Variants in CAMSAP2 observed in about 807,000 individuals in gnomAD.
CAMSAP2 encodes the protein calmodulin-regulated spectrin-associated protein 2.
A neutral mutation model predicts 146.1 loss-of-function variants in CAMSAP2; 26 were observed. The observed-to-expected ratio is 0.18, with a 90% CI of 0.13 to 0.25. CAMSAP2 has a LOEUF of 0.25. CAMSAP2 is among the 10% of genes least tolerant of loss of function. The pLI is 1.00. For synonymous variants in CAMSAP2, 499 were observed against 596.6 expected (o/e 0.84, Z 2.38); for missense variants, 1,381 against 1,759.3 (o/e 0.78, Z 3.85).
chr1:200,788,526 A>T (rs187560389), intron 2 of CAMSAP2, among the ~76,000 whole-genome samples: 1 of 152,328 alleles, frequency 6.6e-6, no homozygotes, highest in Admixed American at 6.5e-5. Context: ...CTGTTGTTCC[A>T]CAGGAACTTT....
At chr1:200,851,349 C>T (rs932489577) in intron 11 of CAMSAP2, among the ~76,000 whole-genome samples, 28 of 152,064 alleles carry the variant, frequency 1.8e-4, no homozygotes, top group African/African-American at 6.0e-4. Context: ...TACAGGCATG[C>T]ACCACAAAAT....
chr1:200,817,241 T>TATGTGTGTGTATATACAC (rs1266068149), intron 4 of CAMSAP2, among the ~76,000 whole-genome samples: 2 of 10,616 alleles, frequency 1.9e-4, no homozygotes, highest in African/African-American at 9.8e-4. Flanking sequence ...TATACACACA[T>TATGTGTGTGTATATACAC]ACACACATAT....
chr1:200,858,129 T>C lies in CAMSAP2; in HGVS notation c.*70T>C, dbSNP rs938132121. 4.5e-6 allele frequency: 6 copies of C among 1,323,076 alleles called. No individual in the cohort carries two copies. Among genetic ancestry groups the C allele is most frequent in the Admixed American group, 4.9e-5 (2 of 40,700 alleles). The allele number at this position is 1,323,076 out of a possible 1,614,324, so 82.0% of individuals were successfully genotyped here. On this transcript the variant is annotated 3_prime_UTR_variant, in exon 17 of 17. Transcript: ENST00000358823. Reference sequence around the variant, plus strand: ...CTTCATCTTTCCTGCCTATAGAAAATCTTTCTAATTGCCAACAAGACTTTT... The same window carrying C: ...CTTCATCTTTCCTGCCTATAGAAAACCTTTCTAATTGCCAACAAGACTTTT...
chr1:200,814,617 AAAAAAAAAAAAAAAAAAC>A (rs1666430779), intron 3 of CAMSAP2, among the ~76,000 whole-genome samples: 1 of 131,394 alleles, frequency 7.6e-6, no homozygotes. Flanking sequence ...CCCAAAAAAA[AAAAAAAAAAAAAAAAAAC>A]AAGAAGAAGA....
At chr1:200,747,622 A>G (rs1469364541) in intron 1 of CAMSAP2, among the ~76,000 whole-genome samples, 1 of 152,098 alleles carries the variant, frequency 6.6e-6, no homozygotes, top group Admixed American at 6.5e-5. Flanking sequence ...TTTTGATTTG[A>G]TCAGGGCTGT....
At chr1:200,760,639 T>C (rs1484555613) in intron 1 of CAMSAP2, among the ~76,000 whole-genome samples, 200 bp from the exon 2 acceptor site, 2 of 152,242 alleles carry the variant, frequency 1.3e-5, no homozygotes, top group Non-Finnish European at 2.9e-5. Context: ...AGAAAGTATC[T>C]TCTGTAAAGG....
At position 200,857,534 on chromosome 1, in the gene CAMSAP2, T is replaced by C; in HGVS notation, c.4131+110T>C. ...ACTTTCAACAGCATGTAAAAAGATC[T>C]GTAGCTAGATGTTTTAATTATCAGA... On this transcript the variant is annotated intron_variant, in intron 16 of 16. Transcript: ENST00000358823. The surrounding 1 kb of genome is among the most constrained non-coding windows in gnomAD (Gnocchi z 4.7). 1.2e-6 allele frequency: 1 copy of C among 818,242 alleles called. No individual in the cohort carries two copies. The highest frequency in any genetic ancestry group is 2.0e-6 in the Non-Finnish European group (1 of 509,152). The allele number at this position is 818,242 out of a possible 1,614,324, so 50.7% of individuals were successfully genotyped here. A position where few individuals can be genotyped will look rare whatever the true frequency, so the allele number is the denominator to read the frequency against.
chr1:200,770,144 G>A (rs903993706), intron 2 of CAMSAP2, among the ~76,000 whole-genome samples: 1 of 152,168 alleles, frequency 6.6e-6, no homozygotes, highest in African/African-American at 2.4e-5. Flanking sequence ...GGATAGGACC[G>A]AAGGTACAGA....
At chr1:200,779,557 T>C (rs1665376228) in intron 2 of CAMSAP2, among the ~76,000 whole-genome samples, 2 of 152,028 alleles carry the variant, frequency 1.3e-5, no homozygotes. Context: ...GTCATGGAAA[T>C]TGTGATGCCC....
intron 6 of CAMSAP2, among the ~76,000 whole-genome samples, chr1:200,839,049 T>C (rs1334405310): frequency 6.6e-6 from 1 of 152,264 alleles, no homozygotes; most frequent in African/African-American, 2.4e-5. Context: ...CTTTGAGATA[T>C]CCAAAAGAAA....
intron 4 of CAMSAP2, among the ~76,000 whole-genome samples, chr1:200,829,625 A>C (rs1248517978): frequency 1.3e-5 from 2 of 151,684 alleles, no homozygotes; most frequent in African/African-American, 2.4e-5. Flanking sequence ...ATAAAACTCT[A>C]ATTTAGAAAT....
rs1667075481 is a variant in CAMSAP2 at position 200,832,709 on chromosome 1, T to C, written c.791T>C (p.Ile264Thr). 1.3e-6 allele frequency: 2 copies of C among 1,593,926 alleles called. No homozygotes were observed. The highest frequency in any genetic ancestry group is 1.7e-6 in the Non-Finnish European group (2 of 1,173,162). ...CTTGCTCTTTTCTTATTTGAAGATA[T>C]TTGTTTGAAAGAAACTATGTCTTTG... Reference protein sequence around the residue: ...YCPDVVRLEDICLKETMSLAD... With the variant: ...YCPDVVRLEDTCLKETMSLAD... Residue 264 changes from isoleucine to threonine, a missense_variant, in exon 6 of 17, where the codon ATT becomes ACT. By Grantham distance (89) the Ile-to-Thr change is moderately conservative. Coordinates refer to ENST00000358823, the MANE Select transcript of CAMSAP2 (RefSeq NM_203459.4). This position sits in a 1 kb window ranked among gnomAD's most constrained non-coding sequence, Gnocchi z 4.2.
intron 1 of CAMSAP2, among the ~76,000 whole-genome samples, chr1:200,758,557 A>G (rs953243234): frequency 1.3e-5 from 2 of 152,204 alleles, no homozygotes; most frequent in African/African-American, 4.8e-5. Context: ...TTAAATGAGG[A>G]TGATATTTTT....
At chr1:200,781,526 G>GT (rs1215355427) in intron 2 of CAMSAP2, among the ~76,000 whole-genome samples, 1 of 149,286 alleles carries the variant, frequency 6.7e-6, no homozygotes, top group South Asian at 2.1e-4. Flanking sequence ...GTTGTATACT[G>GT]TTTTTTTGTT....
chr1:200,782,964 CTG>C (rs1177708323), intron 2 of CAMSAP2, among the ~76,000 whole-genome samples: 1 of 151,664 alleles, frequency 6.6e-6, no homozygotes, highest in Non-Finnish European at 1.5e-5. Context: ...TAGGGTTTCA[CTG>C]TGTTGCCCAG....
chr1:200,849,181 A>C lies in CAMSAP2; in HGVS notation c.2412A>C (p.Glu804Asp). ...ATGGGATATCTCCTCTACGAGAGGAAGCGGCGGGTGCAGAAGATGAGAAAG... is the reference window on the plus strand; with the variant it reads ...ATGGGATATCTCCTCTACGAGAGGACGCGGCGGGTGCAGAAGATGAGAAAG... ...KGDGISPLRE[E>D]AAGAEDEKVY... The change falls in exon 11 of 17, where the codon GAA becomes GAC. Residue 804 changes from glutamate to aspartate, a missense_variant. Transcript: ENST00000358823. The surrounding 1 kb of genome is among the most constrained non-coding windows in gnomAD (Gnocchi z 6.3). 1 of 1,613,944 alleles carries C rather than the reference A, an allele frequency of 6.2e-7. No homozygotes were observed. Among genetic ancestry groups the C allele is most frequent in the Non-Finnish European group, 8.5e-7 (1 of 1,180,004 alleles).
At chr1:200,788,010 A>T (rs1665642490) in intron 2 of CAMSAP2, among the ~76,000 whole-genome samples, 1 of 152,222 alleles carries the variant, frequency 6.6e-6, no homozygotes, top group South Asian at 2.1e-4. Flanking sequence ...CATAACTTTT[A>T]TATGCCTGGG....
chr1:200,763,556 C>T (rs1664859545), intron 2 of CAMSAP2, among the ~76,000 whole-genome samples: 1 of 152,030 alleles, frequency 6.6e-6, no homozygotes, highest in South Asian at 2.1e-4. Flanking sequence ...AACCAACCAA[C>T]CAAAGAACTT....
intron 4 of CAMSAP2, among the ~76,000 whole-genome samples, chr1:200,829,696 G>A (rs1666993367): frequency 6.6e-6 from 1 of 152,148 alleles, no homozygotes; most frequent in South Asian, 2.1e-4. Context: ...AGAGGCCAAG[G>A]CAGGTGGATC....
Sources: gnomAD v4.1 joint callset for allele counts (sites outside exome capture counted in the v4.1 genomes callset) on GRCh38, gnomAD v4.1.1 for gene constraint, Gnocchi (gnomAD v3.1) non-coding constraint, MANE v1.5 for transcripts, NCBI Gene and HGNC (gene_info 2026-07-23, HGNC 2026-07-21) for gene names.